Variants in AUTS2 observed in about 807,000 individuals in gnomAD.
The protein encoded by AUTS2 is autism susceptibility gene 2 protein.
Under a neutral mutation model 112.4 loss-of-function variants are expected in AUTS2, and 17 were observed. The observed-to-expected ratio is 0.15, with a 90% CI of 0.10 to 0.23. The LOEUF is 0.23. Ranked by LOEUF, AUTS2 falls within the 10% of genes least tolerant of loss-of-function variation. The pLI is 1.00. For synonymous variants in AUTS2, 751 were observed against 702.7 expected (o/e 1.07, Z -1.09); for missense variants, 1,510 against 1,701.6 (o/e 0.89, Z 1.98).
chr7:70,012,017 G>A (rs1045575712), intron 2 of AUTS2, among the ~76,000 whole-genome samples: 1 of 152,146 alleles, frequency 6.6e-6, no homozygotes, highest in African/African-American at 2.4e-5. Flanking sequence ...CCTTAGGCCT[G>A]CCATTCACTG....
intron 5 of AUTS2, among the ~76,000 whole-genome samples, chr7:70,592,535 T>C (rs975442285): frequency 6.6e-6 from 1 of 152,068 alleles, no homozygotes; most frequent in African/African-American, 2.4e-5. Flanking sequence ...TTAATTTTTG[T>C]ATTTTTAGTA....
At chr7:69,805,053 T>G (rs574425680) in intron 1 of AUTS2, among the ~76,000 whole-genome samples, 1 of 152,310 alleles carries the variant, frequency 6.6e-6, no homozygotes, top group African/African-American at 2.4e-5. Flanking sequence ...TCCTTTAAAC[T>G]CTTATTTGGT....
chr7:70,488,335 G>T (rs1279105832), intron 5 of AUTS2, among the ~76,000 whole-genome samples: 1 of 152,208 alleles, frequency 6.6e-6, no homozygotes, highest in South Asian at 2.1e-4. Context: ...TGGAGAGTGC[G>T]CCAGGTGCCC....
At chr7:70,184,155 C>G (rs1584848666) in intron 4 of AUTS2, among the ~76,000 whole-genome samples, 1 of 152,124 alleles carries the variant, frequency 6.6e-6, no homozygotes, top group East Asian at 1.9e-4. Context: ...AAATCAACAA[C>G]TTGTTATTGA....
intron 4 of AUTS2, among the ~76,000 whole-genome samples, chr7:70,374,914 G>C (rs1294434558): frequency 1.3e-5 from 2 of 152,262 alleles, no homozygotes; most frequent in East Asian, 3.9e-4. Context: ...CTCTGCAGAT[G>C]GGAAACTGCC....
chr7:70,560,009 C>T (rs1231267151), intron 5 of AUTS2, among the ~76,000 whole-genome samples: 4 of 152,224 alleles, frequency 2.6e-5, no homozygotes, highest in East Asian at 1.9e-4. Context: ...GCTCTGACTT[C>T]GTCTCCCACT....
intron 6 of AUTS2, among the ~76,000 whole-genome samples, chr7:70,758,068 C>T (rs967559231): frequency 7.2e-5 from 11 of 152,036 alleles, no homozygotes; most frequent in East Asian, 3.9e-4. Flanking sequence ...AGGCGTGAGC[C>T]GCTGCGCCCA....
At chr7:70,470,836 C>A (rs1311782569) in intron 5 of AUTS2, among the ~76,000 whole-genome samples, 1 of 152,096 alleles carries the variant, frequency 6.6e-6, no homozygotes, top group African/African-American at 2.4e-5. Context: ...AAACCAGTAA[C>A]AAAGGGCATT....
chr7:70,171,980 A>G (rs1808724673), intron 4 of AUTS2, among the ~76,000 whole-genome samples: 1 of 150,894 alleles, frequency 6.6e-6, no homozygotes, highest in African/African-American at 2.4e-5. Context: ...TTCTTTCTGC[A>G]TTTCTGGGGT....
chr7:70,250,294 GT>G, intron 4 of AUTS2, among the ~76,000 whole-genome samples: 1 of 152,250 alleles, frequency 6.6e-6, no homozygotes, highest in Middle Eastern at 3.4e-3. Context: ...TTCTCTTAGT[GT>G]TTCTCAAAGC....
chr7:70,497,329 CATCACGTACACAGTCGCACAG>C (rs1798597214), intron 5 of AUTS2, among the ~76,000 whole-genome samples: 1 of 151,910 alleles, frequency 6.6e-6, no homozygotes, highest in Admixed American at 6.6e-5. Context: ...CACTCACACA[CATCACGTACACAGTCGCACAG>C]ACACACAATC....
chr7:70,418,558 A>G (rs995793716), intron 4 of AUTS2, among the ~76,000 whole-genome samples: 2 of 152,202 alleles, frequency 1.3e-5, no homozygotes, highest in African/African-American at 4.8e-5. Context: ...GCTGCACCAC[A>G]GAGATGCTTC....
chr7:70,534,285 C>T (rs1036615501), intron 5 of AUTS2, among the ~76,000 whole-genome samples: 4 of 152,160 alleles, frequency 2.6e-5, no homozygotes, highest in Admixed American at 6.5e-5. Context: ...TGATTTCTGA[C>T]GCCTGGGAGG....
rs924847467 is a variant in AUTS2 at position 69,615,427 on chromosome 7, C to T, written c.309+15465C>T. ...AAGCGATTCTCCTGCCTCAGCCTCC[C>T]GAGTAGCTGGGATTACAGGTGCCCA... On this transcript the variant is annotated intron_variant, in intron 1 of 18. Coordinates refer to ENST00000342771, the MANE Select transcript of AUTS2 (RefSeq NM_015570.4). Among the ~76,000 whole-genome samples, 9 of 152,054 alleles carry T rather than the reference C, an allele frequency of 5.9e-5. No homozygotes were observed. In the East Asian group the frequency reaches 7.7e-4, roughly 13 times the overall value.
chr7:70,114,486 A>G (rs1197856613), intron 2 of AUTS2, among the ~76,000 whole-genome samples: 2 of 152,332 alleles, frequency 1.3e-5, no homozygotes, highest in South Asian at 2.1e-4. Flanking sequence ...GGATGTGGCT[A>G]AAATGCTAGT....
intron 1 of AUTS2, among the ~76,000 whole-genome samples, chr7:69,865,478 C>T (rs1352809250): frequency 6.6e-6 from 1 of 152,144 alleles, no homozygotes; most frequent in Non-Finnish European, 1.5e-5. Flanking sequence ...TTGATGTTGA[C>T]AGGGATGAAA....
chr7:70,626,537 T>G (rs759884386), intron 5 of AUTS2, among the ~76,000 whole-genome samples: 2 of 152,030 alleles, frequency 1.3e-5, no homozygotes, highest in Non-Finnish European at 2.9e-5. Flanking sequence ...TATTTTAGAT[T>G]TAGGGGCTAC....
At chr7:69,988,585 T>G (rs1345182459) in intron 2 of AUTS2, among the ~76,000 whole-genome samples, 1 of 152,110 alleles carries the variant, frequency 6.6e-6, no homozygotes, top group Non-Finnish European at 1.5e-5. Flanking sequence ...GCATTGCTTT[T>G]TTTTGTGGTA....
intron 4 of AUTS2, chr7:70,290,438 G>A (rs560751707): frequency 6.5e-7 from 1 of 1,544,068 alleles, no homozygotes; most frequent in Non-Finnish European, 8.7e-7. Flanking sequence ...AGGGATGTCA[G>A]CAACACTTCA....
Sources: allele counts gnomAD v4.1 joint callset (sites outside exome capture counted in the v4.1 genomes callset), GRCh38; gene constraint gnomAD v4.1.1; transcripts MANE v1.5; gene names NCBI Gene and HGNC (gene_info 2026-07-23, HGNC 2026-07-21).